Variants in TTLL11 observed in about 807,000 individuals in gnomAD.
TTLL11 encodes tubulin tyrosine ligase like 11.
A neutral mutation model predicts 51.7 loss-of-function variants in TTLL11; 42 were observed. The ratio of observed to expected loss-of-function variants is 0.81; its 90% CI spans 0.64 to 1.05. TTLL11 has a LOEUF of 1.05. Among genes scored for constraint, TTLL11 ranks in the 50% least tolerant of loss-of-function variants. The probability of loss-of-function intolerance (pLI) is 0.00; values close to 1 mark genes in which losing one functional copy is unlikely to be tolerated. For synonymous variants in TTLL11, 381 were observed against 383.5 expected, an observed-to-expected ratio of 0.99 and a Z score of 0.08; for missense variants, 799 against 940.4, an observed-to-expected ratio of 0.85 and a Z score of 1.97.
intron 1 of TTLL11, among the ~76,000 whole-genome samples, chr9:122,043,841 TA>T (rs973238445): frequency 9.4e-4 from 143 of 152,162 alleles, no homozygotes; most frequent in African/African-American, 3.3e-3. Context: ...AATATATATA[TA>T]TTTTTTTCTT....
At chr9:121,996,858 C>CA (rs1215618646) in intron 3 of TTLL11, among the ~76,000 whole-genome samples, 7 of 152,196 alleles carry the variant, frequency 4.6e-5, no homozygotes, top group Admixed American at 2.0e-4. Flanking sequence ...GCCAACTCTC[C>CA]ACTCTATGGA....
chr9:122,048,041 C>A (rs1200363225), intron 1 of TTLL11, among the ~76,000 whole-genome samples: 1 of 152,186 alleles, frequency 6.6e-6, no homozygotes, highest in Admixed American at 6.5e-5. Flanking sequence ...ATCCCCACTG[C>A]CTCTGCCTTA....
intron 8 of TTLL11, among the ~76,000 whole-genome samples, chr9:121,841,232 C>T (rs144310582): frequency 1.1e-4 from 16 of 152,136 alleles, no homozygotes; most frequent in Admixed American, 3.9e-4. Flanking sequence ...AAGAGTGTGG[C>T]GGGAATGGGG....
intron 4 of TTLL11, among the ~76,000 whole-genome samples, chr9:121,977,443 G>C (rs1842735987): frequency 6.6e-6 from 1 of 152,062 alleles, no homozygotes; most frequent in African/African-American, 2.4e-5. Context: ...CTCAATATAT[G>C]CTATCTCTTT....
chr9:121,916,763 T>C (rs1182106378), intron 6 of TTLL11, among the ~76,000 whole-genome samples: 3 of 152,200 alleles, frequency 2.0e-5, no homozygotes. Context: ...TTGTAGTTGA[T>C]GACAGTCAAG....
At position 121,820,046 on chromosome 9, in the gene TTLL11, G is replaced by A. The variant is rs903329501; in HGVS notation, c.*2541C>T. Among the ~76,000 whole-genome samples the A allele has an allele frequency of 6.6e-6, 1 of 152,176 alleles. No individual in the cohort carries two copies. The highest frequency in any genetic ancestry group is 2.4e-5 in the African/African-American group (1 of 41,438). ...CCCTGCGGGTGGGTGGGGCTATCGG[G>A]GCCTTGTCTGCAGAGGAGGGGGCTG... is the stretch of plus-strand genomic sequence containing the variant. On this transcript the variant is annotated 3_prime_UTR_variant, in exon 9 of 9. Coordinates refer to ENST00000321582, the MANE Select transcript of TTLL11 (RefSeq NM_001139442.2).
chr9:121,904,228 A>G lies in TTLL11; in HGVS notation c.1482-33480T>C, dbSNP rs866683119. 4.7e-5 allele frequency among the ~76,000 whole-genome samples: 7 copies of G among 148,622 alleles called. No individual in the cohort carries two copies. In the East Asian group the frequency reaches 1.2e-3, roughly 25 times the overall value. ...AGTCTCGCTCTATCGCCAGGCTGGC[A>G]TGCAGTGGCACGATCTTGGCTCACT... is the stretch of plus-strand genomic sequence containing the variant. On this transcript the variant is annotated intron_variant, in intron 6 of 8. Transcript: ENST00000321582.
At chr9:122,040,324 T>A (rs781450448) in intron 1 of TTLL11, 1 of 984,720 alleles carries the variant, frequency 1.0e-6, no homozygotes, top group Non-Finnish European at 1.2e-6. Flanking sequence ...AAAATCTTGT[T>A]TGGCACAAGC....
At chr9:121,929,164 G>A (rs377005858) in intron 6 of TTLL11, among the ~76,000 whole-genome samples, 2 of 152,100 alleles carry the variant, frequency 1.3e-5, no homozygotes, top group African/African-American at 4.8e-5. Flanking sequence ...CATTTTGGCC[G>A]GGCGCGGTGG....
chr9:121,826,542 T>C (rs1482875057), intron 8 of TTLL11, among the ~76,000 whole-genome samples: 1 of 58,602 alleles, frequency 1.7e-5, no homozygotes, highest in African/African-American at 1.1e-4. Flanking sequence ...TGTGTGTATA[T>C]ATATATATGT....
intron 6 of TTLL11, among the ~76,000 whole-genome samples, chr9:121,970,319 C>G (rs1842515502): frequency 6.6e-6 from 1 of 152,076 alleles, no homozygotes; most frequent in South Asian, 2.1e-4. Flanking sequence ...GAATGCAGCT[C>G]CTATGGATTA....
intron 6 of TTLL11, among the ~76,000 whole-genome samples, chr9:121,966,876 C>G (rs1842414438): frequency 6.6e-6 from 1 of 152,172 alleles, no homozygotes; most frequent in Non-Finnish European, 1.5e-5. Context: ...CAGCTTGCCT[C>G]AACAGCTGGT....
intron 6 of TTLL11, among the ~76,000 whole-genome samples, chr9:121,938,771 T>C (rs939576242): frequency 1.5e-5 from 2 of 137,014 alleles, no homozygotes; most frequent in Admixed American, 1.4e-4. Context: ...ATGCCTCAGA[T>C]TGGCAAACAT....
chr9:122,082,572 A>G (rs901935528), intron 1 of TTLL11, among the ~76,000 whole-genome samples: 1 of 152,132 alleles, frequency 6.6e-6, no homozygotes, highest in African/African-American at 2.4e-5. Flanking sequence ...AGCAAAGAAA[A>G]CACATAGAAA....
At chr9:121,882,833 A>C (rs181324398) in intron 6 of TTLL11, among the ~76,000 whole-genome samples, 14 of 152,158 alleles carry the variant, frequency 9.2e-5, no homozygotes, top group Admixed American at 6.5e-4. Flanking sequence ...CCTGATTCCC[A>C]CAGTACTTTA....
chr9:122,090,243 C>A (rs1846224412), intron 1 of TTLL11, among the ~76,000 whole-genome samples: 1 of 152,180 alleles, frequency 6.6e-6, no homozygotes, highest in African/African-American at 2.4e-5. Flanking sequence ...TACAGATAAG[C>A]AAACTGAGGC....
At chr9:121,833,998 G>C (rs146852872) in intron 8 of TTLL11, among the ~76,000 whole-genome samples, 2 of 152,024 alleles carry the variant, frequency 1.3e-5, no homozygotes, top group Non-Finnish European at 2.9e-5. Flanking sequence ...CTGTCTTATC[G>C]TACAATTCTA....
At chr9:122,044,348 A>G (rs1844940849) in intron 1 of TTLL11, among the ~76,000 whole-genome samples, 3 of 152,056 alleles carry the variant, frequency 2.0e-5, no homozygotes, top group Admixed American at 1.3e-4. Context: ...TAGCAGCATG[A>G]TTTATAATCC....
Position 121,822,902 on chromosome 9 carries a change from AG to A in TTLL11, c.1841-24del, listed in dbSNP as rs755552386. 1.2e-5 allele frequency: 18 copies of A among 1,537,124 alleles called. No individual in the cohort carries two copies. The Admixed American group carries it at 1.8e-4, about 16-fold the overall frequency. On this transcript the variant is annotated intron_variant, in intron 8 of 8. Coordinates refer to ENST00000321582, the MANE Select transcript of TTLL11 (RefSeq NM_001139442.2). The surrounding 1 kb of genome is among the most constrained non-coding windows in gnomAD (Gnocchi z 5.8). Reference sequence around the variant, plus strand: ...TCCCTGTGAACAAAGAGACTGGATGAGGGGGTGCACACAGCTGCCCTACGCT... The same window carrying A: ...TCCCTGTGAACAAAGAGACTGGATGAGGGGTGCACACAGCTGCCCTACGCT...
Sources: allele counts gnomAD v4.1 joint callset (sites outside exome capture counted in the v4.1 genomes callset), GRCh38; gene constraint gnomAD v4.1.1; non-coding constraint Gnocchi (gnomAD v3.1); transcripts MANE v1.5; gene names NCBI Gene and HGNC (gene_info 2026-07-23, HGNC 2026-07-21).